The following LIMA1 variants were observed in gnomAD, a reference collection of about 807,000 sequenced individuals.
The protein encoded by LIMA1 is LIM domain and actin-binding protein 1.
LIMA1 carries 52 observed loss-of-function variants against 62.6 expected under a neutral mutation model. That is an observed-to-expected ratio of 0.83 (90% CI 0.67 to 1.05). The LOEUF (loss-of-function observed/expected upper bound fraction) is 1.05. Among genes scored for constraint, LIMA1 ranks in the 50% least tolerant of loss-of-function variants. The pLI is 0.00. For synonymous variants in LIMA1, 302 were observed against 317.8 expected (o/e 0.95, Z 0.53); for missense variants, 780 against 902.2 (o/e 0.86, Z 1.74).
intron 10 of LIMA1, among the ~76,000 whole-genome samples, chr12:50,180,302 GAA>G (rs80012066): frequency 2.6e-4 from 31 of 118,782 alleles, no homozygotes; most frequent in African/African-American, 8.1e-4. Context: ...TCCATCTCCG[GAA>G]AAAAAAAAAA....
At chr12:50,223,488 C>A (rs796905703) in intron 3 of LIMA1, among the ~76,000 whole-genome samples, 390 of 131,862 alleles carry the variant, frequency 3.0e-3, no homozygotes, top group African/African-American at 7.9e-3. Context: ...ATCCCCCAAC[C>A]AAAAAAAAAA....
chr12:50,267,304 C>T (rs901055358), intron 1 of LIMA1, among the ~76,000 whole-genome samples: 20 of 152,134 alleles, frequency 1.3e-4, no homozygotes, highest in African/African-American at 4.8e-4. Flanking sequence ...ATCTGCTGAC[C>T]TCGTGATCCA....
Position 50,177,868 on chromosome 12 carries a change from C to A in LIMA1, c.1476G>T (p.Gly492=). The A allele has an allele frequency of 6.2e-7, 1 of 1,613,256 alleles. No individual in the cohort carries two copies. The highest frequency in any genetic ancestry group is 8.5e-7 in the Non-Finnish European group (1 of 1,179,634). ...ANARETPHSP[G]VEDAPIAKVG... ...CCTTAGCAATAGGGGCATCTTCTACCCCTGGGCTGTGAGGGGTCTCCCTTG... is the reference window on the plus strand; with the variant it reads ...CCTTAGCAATAGGGGCATCTTCTACACCTGGGCTGTGAGGGGTCTCCCTTG... The change falls in exon 11 of 11, where the codon GGG becomes GGT. Residue 492 remains glycine, a synonymous_variant. Coordinates refer to ENST00000341247, the MANE Select transcript of LIMA1 (RefSeq NM_016357.5).
chr12:50,274,683 CAA>C (rs1286398973), intron 1 of LIMA1, among the ~76,000 whole-genome samples: 2 of 151,920 alleles, frequency 1.3e-5, no homozygotes, highest in African/African-American at 4.8e-5. Context: ...GAAGGAAATA[CAA>C]AAAGAGTAAC....
At chr12:50,220,216 T>A (rs1941417531) in intron 4 of LIMA1, among the ~76,000 whole-genome samples, 2 of 151,802 alleles carry the variant, frequency 1.3e-5, no homozygotes. Flanking sequence ...AACGCCACCA[T>A]GCCTGGCTAA....
chr12:50,271,848 C>A (rs1942216112), intron 1 of LIMA1, among the ~76,000 whole-genome samples: 1 of 152,174 alleles, frequency 6.6e-6, no homozygotes, highest in Non-Finnish European at 1.5e-5. Flanking sequence ...AATTGCCACA[C>A]ATCTCAGCAA....
At chr12:50,193,666 A>ATATATATATTT (rs1555204645) in intron 8 of LIMA1, among the ~76,000 whole-genome samples, 1 of 60,030 alleles carries the variant, frequency 1.7e-5, no homozygotes, top group Non-Finnish European at 3.3e-5. Flanking sequence ...ATATATATAT[A>ATATATATATTT]TTTTTTTTTT....
At chr12:50,270,336 C>T (rs1026944402) in intron 1 of LIMA1, among the ~76,000 whole-genome samples, 16 of 147,686 alleles carry the variant, frequency 1.1e-4, no homozygotes, top group African/African-American at 2.0e-4. Flanking sequence ...CAGTGGCTCA[C>T]GCCTGTAATC....
chr12:50,229,182 G>A (rs1244566745), intron 3 of LIMA1, among the ~76,000 whole-genome samples: 1 of 152,010 alleles, frequency 6.6e-6, no homozygotes, highest in Non-Finnish European at 1.5e-5. Context: ...TGCCATTATT[G>A]TTCCTCTACA....
intron 1 of LIMA1, among the ~76,000 whole-genome samples, chr12:50,261,042 ATTTTTTTTTTTTTTT>A (rs71083524): frequency 1.7e-4 from 9 of 54,296 alleles, no homozygotes; most frequent in East Asian, 1.1e-3. Flanking sequence ...CATCTAGTAT[ATTTTTTTTTTTTTTT>A]TTTTTTTTTT....
chr12:50,269,922 TAAA>T (rs1172694068), intron 1 of LIMA1, among the ~76,000 whole-genome samples: 4 of 94,730 alleles, frequency 4.2e-5, no homozygotes, highest in Admixed American at 1.3e-4. Context: ...CTCCGTCAAA[TAAA>T]AAAAAAAAAA....
intron 9 of LIMA1, 67 bp downstream of exon 9, chr12:50,192,385 T>C (rs1012431930): frequency 1.1e-4 from 125 of 1,089,122 alleles, no homozygotes; most frequent in Non-Finnish European, 3.7e-5. Flanking sequence ...ATCATCATCA[T>C]AAAAGGTACA....
intron 9 of LIMA1, chr12:50,188,632 T>C (rs139674068): frequency 6.6e-6 from 1 of 152,308 alleles, no homozygotes; most frequent in East Asian, 1.9e-4. Context: ...GGAGTAGGCA[T>C]GGGTCTGAGG....
intron 2 of LIMA1, among the ~76,000 whole-genome samples, chr12:50,231,984 T>A (rs558446850): frequency 6.6e-6 from 1 of 151,446 alleles, no homozygotes; most frequent in South Asian, 2.1e-4. Flanking sequence ...GCCAGGCTGG[T>A]CTCGAACTCC....
chr12:50,282,726 C>T (rs111390468), intron 1 of LIMA1, among the ~76,000 whole-genome samples: 1 of 152,198 alleles, frequency 6.6e-6, no homozygotes, highest in Admixed American at 6.5e-5. Context: ...TATCTCTCAC[C>T]AGGATCAGCT....
chr12:50,270,359 G>A (rs902733666), intron 1 of LIMA1, among the ~76,000 whole-genome samples: 1 of 151,904 alleles, frequency 6.6e-6, no homozygotes, highest in Non-Finnish European at 1.5e-5. Flanking sequence ...AGCACTCTGG[G>A]AGACCAAGGA....
At chr12:50,226,911 T>A (rs1030413976) in intron 3 of LIMA1, among the ~76,000 whole-genome samples, 1 of 42,972 alleles carries the variant, frequency 2.3e-5, no homozygotes, top group African/African-American at 5.3e-4. Flanking sequence ...TTCTTTTTCT[T>A]TTTTTTTTTT....
At position 50,204,514 on chromosome 12, in the gene LIMA1, T is replaced by C. The variant is rs1484227445; in HGVS notation, c.864+38A>G. 7 of 1,590,758 alleles carry C rather than the reference T, an allele frequency of 4.4e-6. No individual in the cohort carries two copies. The African/African-American group carries it at 9.4e-5, about 21-fold the overall frequency. On this transcript the variant is annotated intron_variant, in intron 6 of 10. Transcript: ENST00000341247. ...TACTCAGTGACCATCTGCTGGATGA[T>C]GGAATGAATGAATGAATGAATGATG...
chr12:50,221,639 C>T (rs149628617), intron 4 of LIMA1, among the ~76,000 whole-genome samples: 1 of 152,326 alleles, frequency 6.6e-6, no homozygotes, highest in African/African-American at 2.4e-5. Flanking sequence ...GGCCTTAACA[C>T]TCAGTCTGCA....
Sources: allele counts gnomAD v4.1 joint callset (sites outside exome capture counted in the v4.1 genomes callset), GRCh38; gene constraint gnomAD v4.1.1; transcripts MANE v1.5; gene names NCBI Gene and HGNC (gene_info 2026-07-23, HGNC 2026-07-21).